CROCC2: variants seen among roughly 807,000 people sequenced by gnomAD.
CROCC2 encodes the protein ciliary rootlet coiled-coil, rootletin family member 2.
A neutral mutation model predicts 177.6 loss-of-function variants in CROCC2; 163 were observed. The observed-to-expected ratio is 0.92, with a 90% CI of 0.81 to 1.05. The LOEUF (loss-of-function observed/expected upper bound fraction) is 1.05, where lower values mean the gene tolerates loss of function less well. CROCC2 is among the 50% of genes least tolerant of loss of function. CROCC2 has a pLI of 0.00. For synonymous variants in CROCC2, 904 were observed against 787.3 expected (o/e 1.15, Z -2.48); for missense variants, 1,929 against 1,797.8 (o/e 1.07, Z -1.32).
intron 1 of CROCC2, among the ~76,000 whole-genome samples, chr2:240,912,027 C>T (rs1334156891): frequency 2.6e-5 from 4 of 152,296 alleles, no homozygotes; most frequent in South Asian, 4.1e-4. Context: ...GGCTGGGTCG[C>T]GCGGAGAGTC....
intron 27 of CROCC2, among the ~76,000 whole-genome samples, chr2:240,981,234 A>G (rs1241740845): frequency 1.3e-5 from 2 of 150,684 alleles, no homozygotes; most frequent in African/African-American, 2.5e-5. Flanking sequence ...ATCCCTGCTC[A>G]GTCTCTGGGG....
In CROCC2 at chr2:240,940,689, A is replaced by G. The variant is rs542267437; in HGVS notation, c.2169+5101A>G. Among the ~76,000 whole-genome samples the G allele has an allele frequency of 9.2e-5, 14 of 152,352 alleles. No homozygotes were observed. In the East Asian group the frequency reaches 2.1e-3, roughly 23 times the overall value. On this transcript the variant is annotated intron_variant, in intron 14 of 31. Coordinates refer to ENST00000690015, the MANE Select transcript of CROCC2 (RefSeq NM_001351305.2). Reference sequence around the variant, plus strand: ...CCTCAGGAAAGTCGGCATTGAAGGGACATACCTTAAGGTAATAAAAGCCAT... The same window carrying G: ...CCTCAGGAAAGTCGGCATTGAAGGGGCATACCTTAAGGTAATAAAAGCCAT...
At chr2:240,932,061 C>G (rs955460344) in intron 7 of CROCC2, among the ~76,000 whole-genome samples, 11 of 152,260 alleles carry the variant, frequency 7.2e-5, no homozygotes, top group Non-Finnish European at 8.8e-5. Context: ...GGCAGAGCCT[C>G]GGGCAGCCAC....
intron 27 of CROCC2, among the ~76,000 whole-genome samples, chr2:240,970,753 G>A (rs1026647084): frequency 2.0e-5 from 3 of 152,164 alleles, no homozygotes; most frequent in Non-Finnish European, 4.4e-5. Flanking sequence ...CTTGGTGTCT[G>A]TGGACCCCAG....
chr2:240,931,196 G>C, intron 7 of CROCC2, 68 bp downstream of exon 7: 1 of 646,528 alleles, frequency 1.5e-6, no homozygotes, highest in East Asian at 2.7e-5. Context: ...CCAGCGTGCC[G>C]AGCAGCTGTG....
chr2:240,989,404 A>G (rs1483778502), intron 29 of CROCC2, among the ~76,000 whole-genome samples: 4 of 152,076 alleles, frequency 2.6e-5, no homozygotes, highest in Non-Finnish European at 4.4e-5. Context: ...GGGTGCCATG[A>G]AAACAGATTT....
rs1184531499 is a variant in CROCC2, at chr2:240,960,997, T to C, written c.3087+1553T>C. ...CTCAAGGAAGGGAGTGCAGGCCTCA[T>C]GGGAAGGTCAGGCTCTCAGAGGAGC... On this transcript the variant is annotated intron_variant, in intron 20 of 31. Transcript: ENST00000690015. This position sits in a 1 kb window ranked among gnomAD's most constrained non-coding sequence, Gnocchi z 5.0. 1.4e-5 allele frequency among the ~76,000 whole-genome samples: 2 copies of C among 147,948 alleles called. No homozygotes were observed. The highest frequency in any genetic ancestry group is 5.0e-5 in the African/African-American group (2 of 39,662).
Position 240,922,563 on chromosome 2 carries a change from G to T in CROCC2, c.406G>T (p.Glu136Ter). 1 of 695,204 alleles carries T rather than the reference G, an allele frequency of 1.4e-6. No individual in the cohort carries two copies. The allele number at this position is 695,204 out of a possible 1,614,324, so 43.1% of individuals were successfully genotyped here. The change falls in exon 4 of 32, where the codon GAG becomes TAG. Residue 136 changes from glutamate (E) to a stop codon, truncating the protein, a stop_gained. Coordinates refer to ENST00000690015, the MANE Select transcript of CROCC2 (RefSeq NM_001351305.2). LOFTEE classifies it high-confidence loss of function. ...EQLQARLETT[E>*]AQLRRSELEH... ...GCTGCAGGCCCGGCTGGAGACCACC[G>T]AGGCTCAGCTGCGGAGGTCAGAGCT...
At position 240,932,878 on chromosome 2, in the gene CROCC2, AGC is replaced by A. The variant is rs1297627919; in HGVS notation, c.1222_1223del (p.Ala408HisfsTer179). 6.5e-7 allele frequency: 1 copy of A among 1,547,218 alleles called. No individual in the cohort carries two copies. Among genetic ancestry groups the A allele is most frequent in the Non-Finnish European group, 8.7e-7 (1 of 1,146,086 alleles). On this transcript the variant is annotated frameshift_variant, in exon 9 of 32. Transcript: ENST00000690015. LOFTEE classifies it high-confidence loss of function. ...ACCCCGCACTGCAGGCCATGCGGGC[AGC>A]CATAGAGAGGCGGTGGCGGCGGGAA... ...LDPALQAMRA[A>X]IERRWRREQE...
At chr2:240,919,540 C>T (rs1384602039) in intron 2 of CROCC2, among the ~76,000 whole-genome samples, 1 of 152,062 alleles carries the variant, frequency 6.6e-6, no homozygotes, top group Non-Finnish European at 1.5e-5. Flanking sequence ...TCCCTCTCTC[C>T]CAGGGTCTGT....
chr2:240,911,296 C>CTTTTTT lies in CROCC2; in HGVS notation c.78+4719_78+4724dup, dbSNP rs35968018. On this transcript the variant is annotated intron_variant, in intron 1 of 31. Coordinates refer to ENST00000690015, the MANE Select transcript of CROCC2 (RefSeq NM_001351305.2). ...CCATCACCACCATCCACGTCCACAA[C>CTTTTTT]TTTTTTTTTTTTTTTTTTTAGACAG... 6.5e-5 allele frequency among the ~76,000 whole-genome samples: 8 copies of CTTTTTT among 123,040 alleles called. 1 individual carries two copies. Among genetic ancestry groups the CTTTTTT allele is most frequent in the East Asian group, 4.8e-4 (2 of 4,130 alleles). 80.7% of individuals were successfully genotyped at this position (123,040 alleles called of 152,430 possible). A position where few individuals can be genotyped will look rare whatever the true frequency, so the allele number is the denominator to read the frequency against.
chr2:240,935,593 G>A lies in CROCC2; in HGVS notation c.2169+5G>A, dbSNP rs2059464164. ...CTCCAGGAGCAGGTGGGCCAGGTGA[G>A]GACGTCTGCAGGGCATGCTGCCGCC... On this transcript the variant is annotated splice_donor_5th_base_variant and intron_variant, in intron 14 of 31. Transcript: ENST00000690015. 7.2e-7 allele frequency: 1 copy of A among 1,385,632 alleles called. No individual in the cohort carries two copies. Among genetic ancestry groups the A allele is most frequent in the South Asian group, 1.6e-5 (1 of 61,428 alleles). The allele number at this position is 1,385,632 out of a possible 1,614,324, so 85.8% of individuals were successfully genotyped here.
chr2:240,990,645 C>T (rs1023738186), intron 30 of CROCC2, among the ~76,000 whole-genome samples: 6 of 152,176 alleles, frequency 3.9e-5, no homozygotes, highest in Admixed American at 6.5e-5. Context: ...TGCAGTGGCG[C>T]GATCTCGGCT....
At chr2:240,974,334 T>G (rs1013378271) in intron 27 of CROCC2, among the ~76,000 whole-genome samples, 22 of 147,558 alleles carry the variant, frequency 1.5e-4, no homozygotes, top group South Asian at 1.1e-3. Flanking sequence ...ACTCTATTTT[T>G]ATTTTTAGTT....
chr2:240,991,294 T>C lies in CROCC2; in HGVS notation c.4946+16T>C. 1.3e-6 allele frequency: 2 copies of C among 1,543,140 alleles called. No individual in the cohort carries two copies. Among genetic ancestry groups the C allele is most frequent in the Non-Finnish European group, 1.8e-6 (2 of 1,142,424 alleles). On this transcript the variant is annotated intron_variant, in intron 31 of 31. Coordinates refer to ENST00000690015, the MANE Select transcript of CROCC2 (RefSeq NM_001351305.2). ...AGACAGGACAGTGAGCCCTGCTGCA[T>C]ACCACCCAGCAGCCTAGCTGCCTTC...
chr2:240,991,276 A>G lies in CROCC2; in HGVS notation c.4944A>G (p.Gly1648=). 6.5e-7 allele frequency: 1 copy of G among 1,548,032 alleles called. No homozygotes were observed. The highest frequency in any genetic ancestry group is 8.7e-7 in the Non-Finnish European group (1 of 1,145,682). Residue 1648 remains glycine, a splice_region_variant and synonymous_variant, in exon 31 of 32, where the codon GGA becomes GGG. Transcript: ENST00000690015. ...ACCTCGGCCAGGCCTTCCAGACAGGACAGTGAGCCCTGCTGCATACCACCC... is the reference window on the plus strand; with the variant it reads ...ACCTCGGCCAGGCCTTCCAGACAGGGCAGTGAGCCCTGCTGCATACCACCC... ...QAHLGQAFQT[G]HAQRD
chr2:240,948,179 C>T (rs1026449735), intron 15 of CROCC2, among the ~76,000 whole-genome samples: 6 of 151,928 alleles, frequency 3.9e-5, no homozygotes, highest in South Asian at 2.1e-4. Context: ...GAGGAGGGAC[C>T]GGAGAGGGAG....
intron 15 of CROCC2, among the ~76,000 whole-genome samples, chr2:240,948,692 A>G (rs2059536687): frequency 6.6e-6 from 1 of 152,182 alleles, no homozygotes; most frequent in South Asian, 2.1e-4. Flanking sequence ...CCATGCACAA[A>G]TGCACCAAGC....
At chr2:240,943,366 T>C (rs1182136899) in intron 14 of CROCC2, among the ~76,000 whole-genome samples, 4 of 152,144 alleles carry the variant, frequency 2.6e-5, no homozygotes, top group Non-Finnish European at 4.4e-5. Context: ...CTCTCTGATA[T>C]CCGCTCTTCT....
Sources: allele counts gnomAD v4.1 joint callset (sites outside exome capture counted in the v4.1 genomes callset), GRCh38; gene constraint gnomAD v4.1.1; non-coding constraint Gnocchi (gnomAD v3.1); transcripts MANE v1.5; gene names NCBI Gene and HGNC (gene_info 2026-07-23, HGNC 2026-07-21).